The following DNAJB14 variants were observed in gnomAD, a reference collection of about 807,000 sequenced individuals.
DNAJB14 encodes the protein dnaJ homolog subfamily B member 14.
DNAJB14 carries 22 observed loss-of-function variants against 48.4 expected under a neutral mutation model. The ratio of observed to expected loss-of-function variants is 0.45; its 90% CI spans 0.32 to 0.65. DNAJB14 has a LOEUF of 0.65. Among genes scored for constraint, DNAJB14 ranks in the 30% least tolerant of loss-of-function variants. The pLI is 0.03. For missense variants in DNAJB14, 319 were observed against 458.8 expected, an observed-to-expected ratio of 0.70 and a Z score of 2.78; for synonymous variants, 142 against 158.7, an observed-to-expected ratio of 0.89 and a Z score of 0.79.
chr4:99,902,886 G>A (rs186688033), intron 7 of DNAJB14, among the ~76,000 whole-genome samples: 1 of 152,206 alleles, frequency 6.6e-6, no homozygotes, highest in African/African-American at 2.4e-5. Flanking sequence ...GATTAAATGA[G>A]TTAATACTTA....
In DNAJB14 at chr4:99,905,926, C is replaced by A. The variant is rs975358530; in HGVS notation, c.733-220G>T. 1.1e-5 allele frequency: 15 copies of A among 1,340,078 alleles called. No individual in the cohort carries two copies. The African/African-American group carries it at 1.9e-4, about 17-fold the overall frequency. The allele number at this position is 1,340,078 out of a possible 1,614,324, so 83.0% of individuals were successfully genotyped here. On this transcript the variant is annotated intron_variant, in intron 5 of 7. Coordinates refer to ENST00000442697, the MANE Select transcript of DNAJB14 (RefSeq NM_001031723.4). ...GAAAAACACTGATAAAATTTGATTT[C>A]ATTTTATAGATGAGGAAGTCTTCAT...
intron 6 of DNAJB14, among the ~76,000 whole-genome samples, chr4:99,904,697 T>C (rs1725406575): frequency 6.6e-6 from 1 of 152,108 alleles, no homozygotes; most frequent in Non-Finnish European, 1.5e-5. Context: ...AACCATGATT[T>C]CATGTCACAA....
chr4:99,934,784 TG>T (rs1726606180), intron 1 of DNAJB14, among the ~76,000 whole-genome samples: 1 of 52,100 alleles, frequency 1.9e-5, no homozygotes, highest in Non-Finnish European at 3.4e-5. Flanking sequence ...AGAGCAAGAC[TG>T]TCTCAAAAAA....
chr4:99,919,296 A>G (rs1023638949), intron 3 of DNAJB14, among the ~76,000 whole-genome samples: 1 of 152,070 alleles, frequency 6.6e-6, no homozygotes, highest in Non-Finnish European at 1.5e-5. Flanking sequence ...GGGTAAAAAA[A>G]TACCTAGGCC....
intron 1 of DNAJB14, among the ~76,000 whole-genome samples, chr4:99,938,699 A>T (rs1475194758): frequency 6.6e-6 from 1 of 152,178 alleles, no homozygotes. Context: ...ATTTGTATTA[A>T]GTTTGAATGA....
chr4:99,912,304 G>C (rs186999406), intron 3 of DNAJB14, among the ~76,000 whole-genome samples: 4 of 152,216 alleles, frequency 2.6e-5, no homozygotes, highest in Non-Finnish European at 5.9e-5. Context: ...CTGAAATCAG[G>C]AACACTGATT....
intron 3 of DNAJB14, among the ~76,000 whole-genome samples, chr4:99,919,151 T>C (rs1437687468): frequency 6.6e-6 from 1 of 152,146 alleles, no homozygotes; most frequent in Non-Finnish European, 1.5e-5. Flanking sequence ...GGCTACTGTT[T>C]TTCTGTCTTT....
At chr4:99,912,749 G>A (rs1725710690) in intron 3 of DNAJB14, among the ~76,000 whole-genome samples, 1 of 152,170 alleles carries the variant, frequency 6.6e-6, no homozygotes, top group African/African-American at 2.4e-5. Context: ...AAAGTGCTGG[G>A]ATTACAGGTG....
chr4:99,906,780 A>T (rs1725483285), intron 4 of DNAJB14, among the ~76,000 whole-genome samples, 169 bp from the exon 5 acceptor site: 1 of 152,186 alleles, frequency 6.6e-6, no homozygotes, highest in Non-Finnish European at 1.5e-5. Flanking sequence ...GGTGGACAGA[A>T]ATAGGAATGA....
chr4:99,910,672 T>G (rs927611936), intron 3 of DNAJB14, among the ~76,000 whole-genome samples: 1 of 151,970 alleles, frequency 6.6e-6, no homozygotes, highest in Non-Finnish European at 1.5e-5. Context: ...GTGGCCAGAG[T>G]AAATTTCTAT....
chr4:99,935,067 C>T (rs941020613), intron 1 of DNAJB14, among the ~76,000 whole-genome samples: 5 of 151,222 alleles, frequency 3.3e-5, no homozygotes, highest in Non-Finnish European at 5.9e-5. Flanking sequence ...AACATATGTA[C>T]AATAGGAGTA....
chr4:99,943,826 C>T (rs1276330817), intron 1 of DNAJB14, among the ~76,000 whole-genome samples: 2 of 151,948 alleles, frequency 1.3e-5, no homozygotes, highest in African/African-American at 4.8e-5. Context: ...TAACTCCTGG[C>T]AATGATTTCT....
chr4:99,937,042 C>T (rs1332897408), intron 1 of DNAJB14, among the ~76,000 whole-genome samples: 6 of 152,290 alleles, frequency 3.9e-5, no homozygotes, highest in Admixed American at 6.5e-5. Context: ...CATCGCCAGG[C>T]GCAGTGGCTC....
chr4:99,900,166 T>C lies in DNAJB14; in HGVS notation c.*862A>G, dbSNP rs1725249964. 1 of 152,324 alleles carries C rather than the reference T, an allele frequency of 6.6e-6. No homozygotes were observed. The highest frequency in any genetic ancestry group is 2.4e-5 in the African/African-American group (1 of 41,416). 9.4% of individuals were successfully genotyped at this position (152,324 alleles called of 1,614,324 possible). On this transcript the variant is annotated 3_prime_UTR_variant, in exon 8 of 8. Coordinates refer to ENST00000442697, the MANE Select transcript of DNAJB14 (RefSeq NM_001031723.4). ...AAATTTCTATGGGGGAAAATGTGAG[T>C]CCTCTTCATAAATTTTAGCAGCCCT...
intron 4 of DNAJB14, among the ~76,000 whole-genome samples, chr4:99,908,114 T>C (rs1000081328): frequency 1.3e-5 from 2 of 152,196 alleles, no homozygotes; most frequent in Admixed American, 1.3e-4. Flanking sequence ...TAAGTGGAGT[T>C]TGATACTATT....
chr4:99,935,436 C>G (rs891691603), intron 1 of DNAJB14, among the ~76,000 whole-genome samples: 1 of 152,244 alleles, frequency 6.6e-6, no homozygotes, highest in African/African-American at 2.4e-5. Flanking sequence ...AGCTTAGTTC[C>G]CACAAGCCCT....
intron 1 of DNAJB14, among the ~76,000 whole-genome samples, chr4:99,934,789 CAAAAAAAAAAAAAAA>C (rs1167945149): frequency 4.4e-4 from 3 of 6,774 alleles, no homozygotes; most frequent in Non-Finnish European, 7.3e-4. Flanking sequence ...AAGACTGTCT[CAAAAAAAAAAAAAAA>C]AAAAAAAAAA....
Position 99,923,113 on chromosome 4 carries a change from T to C in DNAJB14, c.378A>G (p.Lys126=), listed in dbSNP as rs1205423114. Reference sequence around the variant, plus strand: ...ACTTCAAAGCAAGCTTTCTATAAGCTTTTTTCAAATCTTCATCACCAGCAT... The same window carrying C: ...ACTTCAAAGCAAGCTTTCTATAAGCCTTTTTCAAATCTTCATCACCAGCAT... ...TKDAGDEDLK[K]AYRKLALKFH... is the part of the protein sequence containing the mutation. The change falls in exon 3 of 8, where the codon AAA becomes AAG. Residue 126 remains lysine, a synonymous_variant. Coordinates refer to ENST00000442697, the MANE Select transcript of DNAJB14 (RefSeq NM_001031723.4). The C allele has an allele frequency of 6.8e-6, 11 of 1,612,504 alleles. No homozygotes were observed. Among genetic ancestry groups the C allele is most frequent in the African/African-American group, 5.3e-5 (4 of 74,894 alleles).
chr4:99,896,332 ACATT>A lies in DNAJB14; in HGVS notation c.*4692_*4695del, dbSNP rs140807494. On this transcript the variant is annotated 3_prime_UTR_variant, in exon 8 of 8. Transcript: ENST00000442697. The stretch of plus-strand genomic sequence containing the variant: ...GACAAAAATTCATATTTCATTCAGA[ACATT>A]CATTAAAAATCAAATGCATTTGAGT... 2.9e-4 allele frequency: 44 copies of A among 152,284 alleles called. No homozygotes were observed. The highest frequency in any genetic ancestry group is 1.0e-3 in the African/African-American group (42 of 41,576). 9.4% of individuals were successfully genotyped at this position (152,284 alleles called of 1,614,324 possible).
Sources: allele counts gnomAD v4.1 joint callset (sites outside exome capture counted in the v4.1 genomes callset), GRCh38; gene constraint gnomAD v4.1.1; transcripts MANE v1.5; gene names NCBI Gene and HGNC (gene_info 2026-07-23, HGNC 2026-07-21).